FOXP1: variants seen among roughly 807,000 people sequenced by gnomAD.
FOXP1 encodes forkhead box P1.
Under a neutral mutation model 98.2 loss-of-function variants are expected in FOXP1, and 15 were observed. That is an observed-to-expected ratio of 0.15 (90% confidence interval 0.10 to 0.24). FOXP1 has a LOEUF of 0.24. Among genes scored for constraint, FOXP1 ranks in the 10% least tolerant of loss-of-function variants. The pLI, the probability that FOXP1 is intolerant of heterozygous loss-of-function variation, is 1.00. For synonymous variants in FOXP1, 371 were observed against 314.5 expected, an observed-to-expected ratio of 1.18 and a Z score of -1.90; for missense variants, 633 against 848.5, an observed-to-expected ratio of 0.75 and a Z score of 3.15.
chr3:71,583,842 C>G (rs915022257), upstream of FOXP1: 2 of 987,210 alleles, frequency 2.0e-6, no homozygotes, highest in African/African-American at 3.5e-5. Context: ...GCGGGCAGCA[C>G]CGGCCCGGGG....
At chr3:70,980,611 G>C (rs1227959776) in intron 14 of FOXP1, among the ~76,000 whole-genome samples, 3 of 152,174 alleles carry the variant, frequency 2.0e-5, no homozygotes, top group Admixed American at 1.3e-4. Context: ...CTTATGCCTA[G>C]TTAATAGCAA....
intron 3 of FOXP1, among the ~76,000 whole-genome samples, chr3:71,487,832 A>G (rs1385680697): frequency 6.6e-6 from 1 of 152,272 alleles, no homozygotes; most frequent in Admixed American, 6.5e-5. Context: ...CATGCAATAT[A>G]AATGCAGATT....
chr3:71,464,434 G>A (rs1256343837), intron 3 of FOXP1, among the ~76,000 whole-genome samples: 1 of 152,142 alleles, frequency 6.6e-6, no homozygotes, highest in Non-Finnish European at 1.5e-5. Context: ...CTCCTTAAAG[G>A]CCCCACACAA....
At chr3:71,397,086 G>GTA (rs55693037) in intron 3 of FOXP1, among the ~76,000 whole-genome samples, 1 of 49,680 alleles carries the variant, frequency 2.0e-5, no homozygotes, top group African/African-American at 7.9e-5. Flanking sequence ...ATATATATGT[G>GTA]TATATATATA....
chr3:71,175,729 T>A (rs745886635), intron 6 of FOXP1, among the ~76,000 whole-genome samples: 2 of 152,202 alleles, frequency 1.3e-5, no homozygotes, highest in African/African-American at 4.8e-5. Context: ...AAATATATGC[T>A]TTTGCTGCTA....
chr3:71,217,086 T>C lies in FOXP1; in HGVS notation c.-11-18694A>G, dbSNP rs780254601. Among the ~76,000 whole-genome samples the C allele has an allele frequency of 1.0e-3, 158 of 152,204 alleles. 1 individual carries two copies. Among genetic ancestry groups the C allele is most frequent in the South Asian group, 2.3e-3 (11 of 4,834 alleles). On this transcript the variant is annotated intron_variant, in intron 5 of 20. Coordinates refer to ENST00000649528, the MANE Select transcript of FOXP1 (RefSeq NM_001349338.3). ...ATTTTATGCTTTAATGTATTATTAT[T>C]TTTTGAGATGGAGTCTCATTCTGTC...
At chr3:71,226,257 T>C (rs2065825330) in intron 5 of FOXP1, among the ~76,000 whole-genome samples, 1 of 152,208 alleles carries the variant, frequency 6.6e-6, no homozygotes, top group Non-Finnish European at 1.5e-5. Flanking sequence ...GTGTCTTGCT[T>C]TGGCTCTTGA....
Position 71,397,019 on chromosome 3 carries a change from T to TACAC in FOXP1, c.-167-37776_-167-37775insGTGT, listed in dbSNP as rs1560425175. 1.0e-4 allele frequency among the ~76,000 whole-genome samples: 6 copies of TACAC among 57,280 alleles called. 1 individual carries two copies. The highest frequency in any genetic ancestry group is 2.5e-4 in the African/African-American group (4 of 15,852). The allele number at this position is 57,280 out of a possible 152,430, so 37.6% of individuals were successfully genotyped here. On this transcript the variant is annotated intron_variant, in intron 3 of 20. Transcript: ENST00000649528. The stretch of plus-strand genomic sequence containing the variant: ...ACACATATATATGTGTATATATATA[T>TACAC]ATATACATATATATGTGTATATATA...
chr3:71,197,083 G>T (rs2063345726), intron 6 of FOXP1, among the ~76,000 whole-genome samples: 1 of 152,146 alleles, frequency 6.6e-6, no homozygotes, highest in South Asian at 2.1e-4. Context: ...TTTATAGCTT[G>T]TCTCCAAGTT....
intron 8 of FOXP1, 33 bp downstream of exon 8, chr3:71,053,603 G>A (rs765145433): frequency 1.2e-6 from 2 of 1,613,650 alleles, no homozygotes; most frequent in Non-Finnish European, 1.7e-6. Context: ...GGTTCTGGGG[G>A]AGACAGGCTG....
chr3:71,040,490 A>G (rs1166377052), intron 11 of FOXP1: 1 of 152,176 alleles, frequency 6.6e-6, no homozygotes, highest in African/African-American at 2.4e-5. Flanking sequence ...CTTGAAAAGC[A>G]CTTCAACAGT....
At chr3:71,446,199 A>G (rs1174025840) in intron 3 of FOXP1, among the ~76,000 whole-genome samples, 1 of 152,032 alleles carries the variant, frequency 6.6e-6, no homozygotes, top group African/African-American at 2.4e-5. Flanking sequence ...TCTTGCTAAG[A>G]CTGGCTTCCA....
At chr3:70,971,845 C>G (rs1336613292) in intron 18 of FOXP1, 3 of 457,724 alleles carry the variant, frequency 6.6e-6, no homozygotes, top group Admixed American at 8.3e-5. Context: ...CACTGGTGTT[C>G]CAAAGAGAAA....
chr3:71,521,689 C>T (rs531911055), intron 2 of FOXP1, among the ~76,000 whole-genome samples: 26 of 152,292 alleles, frequency 1.7e-4, no homozygotes, highest in South Asian at 1.0e-3. Flanking sequence ...ATTTCCAACA[C>T]TTAATAATCA....
At chr3:71,201,663 T>C (rs2063684132) in intron 5 of FOXP1, among the ~76,000 whole-genome samples, 1 of 151,614 alleles carries the variant, frequency 6.6e-6, no homozygotes. Flanking sequence ...AAAAAAAGAA[T>C]TATAGGAAAA....
rs1422059642 is a variant in FOXP1 at position 70,956,322 on chromosome 3, A to T, written c.*2925T>A. ...AATCAGAATTGTAAAAATCATAGTG[A>T]AGTTTGCTTGCTGTAAAGCCTGAGA... On this transcript the variant is annotated 3_prime_UTR_variant, in exon 21 of 21. Transcript: ENST00000649528. The T allele has an allele frequency of 2.6e-5, 6 of 233,260 alleles. No homozygotes were observed. The highest frequency in any genetic ancestry group is 1.1e-4 in the Admixed American group (2 of 17,762). 14.4% of individuals were successfully genotyped at this position (233,260 alleles called of 1,614,324 possible).
chr3:71,514,076 C>T (rs2042390582), intron 2 of FOXP1, among the ~76,000 whole-genome samples: 1 of 152,214 alleles, frequency 6.6e-6, no homozygotes, highest in Non-Finnish European at 1.5e-5. Context: ...TATATTTTGA[C>T]TTTGACAAAG....
chr3:71,287,221 C>G (rs968569092), intron 5 of FOXP1, among the ~76,000 whole-genome samples: 2 of 152,110 alleles, frequency 1.3e-5, no homozygotes, highest in African/African-American at 4.8e-5. Flanking sequence ...GTGTGAACTT[C>G]GGAACTTTGG....
intron 7 of FOXP1, among the ~76,000 whole-genome samples, chr3:71,083,781 A>G (rs2054715924): frequency 6.6e-6 from 1 of 152,196 alleles, no homozygotes; most frequent in Non-Finnish European, 1.5e-5. Flanking sequence ...AGGCCAGGCT[A>G]ACCCTTGAAC....
Sources: allele counts gnomAD v4.1 joint callset (sites outside exome capture counted in the v4.1 genomes callset), GRCh38; gene constraint gnomAD v4.1.1; transcripts MANE v1.5; gene names NCBI Gene and HGNC (gene_info 2026-07-23, HGNC 2026-07-21).